Variants in TAFA2 observed in about 807,000 individuals in gnomAD.
TAFA2 encodes the protein TAFA chemokine like family member 2.
A neutral mutation model predicts 18.8 loss-of-function variants in TAFA2; 7 were observed. The ratio of observed to expected loss-of-function variants is 0.37; its 90% CI spans 0.21 to 0.70. TAFA2 has a LOEUF of 0.70. Ranked by LOEUF, TAFA2 falls within the 30% of genes least tolerant of loss-of-function variation. The pLI, the probability that TAFA2 is intolerant of heterozygous loss-of-function variation, is 0.53. For synonymous variants in TAFA2, 60 were observed against 54.2 expected (o/e 1.11, Z -0.47); for missense variants, 122 against 158.1 (o/e 0.77, Z 1.23).
intron 1 of TAFA2, among the ~76,000 whole-genome samples, chr12:61,932,553 C>A (rs1185825749): frequency 6.6e-6 from 1 of 152,136 alleles, no homozygotes; most frequent in Non-Finnish European, 1.5e-5. Flanking sequence ...GATTCTCCTG[C>A]CTCAGCCTCC....
At chr12:62,108,143 C>T (rs901888065) in intron 1 of TAFA2, among the ~76,000 whole-genome samples, 1 of 152,070 alleles carries the variant, frequency 6.6e-6, no homozygotes, top group Non-Finnish European at 1.5e-5. Flanking sequence ...CTCTAGTCCC[C>T]CACCCCCCAA....
intron 1 of TAFA2, among the ~76,000 whole-genome samples, chr12:61,957,629 G>T (rs1243475800): frequency 6.6e-6 from 1 of 152,120 alleles, no homozygotes; most frequent in African/African-American, 2.4e-5. Flanking sequence ...CTGGGGACAA[G>T]GTCAAGGCCC....
chr12:61,911,176 T>G (rs1012971014), intron 1 of TAFA2, among the ~76,000 whole-genome samples: 3 of 152,112 alleles, frequency 2.0e-5, no homozygotes, highest in Non-Finnish European at 4.4e-5. Context: ...ATTCTACATT[T>G]TACCCCAAAA....
chr12:62,142,019 G>A (rs190015847), intron 1 of TAFA2, among the ~76,000 whole-genome samples: 7 of 152,218 alleles, frequency 4.6e-5, no homozygotes, highest in Non-Finnish European at 1.0e-4. Flanking sequence ...GGCATCACAC[G>A]GTCTCCTCAC....
intron 2 of TAFA2, among the ~76,000 whole-genome samples, chr12:61,860,293 A>C (rs192271841): frequency 9.1e-4 from 139 of 152,340 alleles, no homozygotes; most frequent in African/African-American, 2.7e-3. Flanking sequence ...AATGAAATAC[A>C]TAATAAAAAT....
intron 1 of TAFA2, among the ~76,000 whole-genome samples, chr12:62,214,501 C>G (rs961774680): frequency 3.3e-5 from 5 of 152,138 alleles, no homozygotes; most frequent in African/African-American, 1.2e-4. Context: ...TATGTCTTTA[C>G]CAGCAGCATG....
intron 1 of TAFA2, among the ~76,000 whole-genome samples, chr12:61,905,283 C>A (rs1478785769): frequency 1.3e-5 from 2 of 152,120 alleles, no homozygotes; most frequent in Non-Finnish European, 2.9e-5. Context: ...TTACCAGGCC[C>A]TCTAATTGTG....
chr12:62,059,913 T>A (rs962025402), intron 1 of TAFA2, among the ~76,000 whole-genome samples: 1 of 152,234 alleles, frequency 6.6e-6, no homozygotes, highest in Non-Finnish European at 1.5e-5. Flanking sequence ...TATATTAAAA[T>A]ATTTTTATAA....
intron 2 of TAFA2, among the ~76,000 whole-genome samples, chr12:61,820,546 AG>A (rs1872277318): frequency 6.6e-6 from 1 of 151,922 alleles, no homozygotes; most frequent in African/African-American, 2.4e-5. Flanking sequence ...AAAGAAAGGA[AG>A]GAGAAAGAAA....
rs1360204948 is a variant in TAFA2 at position 62,007,151 on chromosome 12, G to C, written c.-1-139725C>G. Among the ~76,000 whole-genome samples the C allele has an allele frequency of 2.0e-5, 3 of 152,036 alleles. No homozygotes were observed. The East Asian group carries it at 5.8e-4, about 29-fold the overall frequency. Reference sequence around the variant, plus strand: ...GCCACACTGACCGCTTCCTATTCCTGGAGCATGCTGAGCATGTCATCTCCC... The same window carrying C: ...GCCACACTGACCGCTTCCTATTCCTCGAGCATGCTGAGCATGTCATCTCCC... On this transcript the variant is annotated intron_variant, in intron 1 of 4. Coordinates refer to ENST00000416284, the MANE Select transcript of TAFA2 (RefSeq NM_178539.5).
intron 2 of TAFA2, among the ~76,000 whole-genome samples, chr12:61,829,421 C>T (rs1872636794): frequency 6.6e-6 from 1 of 151,710 alleles, no homozygotes; most frequent in East Asian, 1.9e-4. Context: ...AAATCACTTG[C>T]ATCAATTGTT....
intron 1 of TAFA2, among the ~76,000 whole-genome samples, chr12:62,111,766 T>C (rs1196290672): frequency 6.6e-6 from 1 of 152,212 alleles, no homozygotes; most frequent in Non-Finnish European, 1.5e-5. Context: ...TTTTTATCTT[T>C]GTTGGTTTAA....
At chr12:62,049,886 A>G (rs1176063026) in intron 1 of TAFA2, among the ~76,000 whole-genome samples, 2 of 152,264 alleles carry the variant, frequency 1.3e-5, no homozygotes, top group African/African-American at 2.4e-5. Context: ...AATTGACGTG[A>G]TACCACAGGA....
chr12:61,723,654 G>T (rs759669083), intron 4 of TAFA2, among the ~76,000 whole-genome samples: 33 of 152,064 alleles, frequency 2.2e-4, no homozygotes, highest in African/African-American at 8.0e-4. Context: ...ACTTGGAAAA[G>T]GTCTGATTTT....
intron 1 of TAFA2, among the ~76,000 whole-genome samples, chr12:61,980,836 T>C (rs1278662659): frequency 6.6e-6 from 1 of 152,332 alleles, no homozygotes; most frequent in South Asian, 2.1e-4. Context: ...GAATATCCTA[T>C]GCTCATGGAC....
At chr12:61,935,855 TA>T (rs559193679) in intron 1 of TAFA2, among the ~76,000 whole-genome samples, 11 of 148,124 alleles carry the variant, frequency 7.4e-5, no homozygotes, top group South Asian at 2.1e-4. Flanking sequence ...AATCAGTAAT[TA>T]AAAAAAAAAC....
intron 4 of TAFA2, among the ~76,000 whole-genome samples, chr12:61,714,615 A>C (rs908274638): frequency 1.3e-5 from 2 of 152,204 alleles, no homozygotes; most frequent in Non-Finnish European, 2.9e-5. Context: ...CTGGTTAATG[A>C]CATATATGGT....
chr12:61,772,194 T>C (rs993054727), intron 2 of TAFA2, among the ~76,000 whole-genome samples: 1 of 151,792 alleles, frequency 6.6e-6, no homozygotes, highest in African/African-American at 2.4e-5. Context: ...ATAGAAACTC[T>C]AAACAGAGCA....
rs374882700 is a variant in TAFA2 at position 62,059,139 on chromosome 12, A to ATGTGTGTGTGTGTGTGTGTGTG, written c.-2+132098_-2+132119dup. 2.0e-3 allele frequency among the ~76,000 whole-genome samples: 270 copies of ATGTGTGTGTGTGTGTGTGTGTG among 136,310 alleles called. 2 individuals are homozygous for ATGTGTGTGTGTGTGTGTGTGTG. Among genetic ancestry groups the ATGTGTGTGTGTGTGTGTGTGTG allele is most frequent in the East Asian group, 3.6e-3 (17 of 4,672 alleles). 89.4% of individuals were successfully genotyped at this position (136,310 alleles called of 152,430 possible). A position where few individuals can be genotyped will look rare whatever the true frequency, so the allele number is the denominator to read the frequency against. ...TAATAATATATATATATGTGTGTAT[A>ATGTGTGTGTGTGTGTGTGTGTG]TGTGTGTGTGTGTGTGTGTGTGTGT... On this transcript the variant is annotated intron_variant, in intron 1 of 4. Coordinates refer to ENST00000416284, the MANE Select transcript of TAFA2 (RefSeq NM_178539.5).
Sources: allele counts gnomAD v4.1 joint callset (sites outside exome capture counted in the v4.1 genomes callset), GRCh38; gene constraint gnomAD v4.1.1; transcripts MANE v1.5; gene names NCBI Gene and HGNC (gene_info 2026-07-23, HGNC 2026-07-21).